The following NKAIN2 variants were observed in gnomAD, a reference collection of about 807,000 sequenced individuals.
The protein encoded by NKAIN2 is sodium/potassium transporting ATPase interacting 2, also known as sodium/potassium-transporting ATPase subunit beta-1-interacting protein 2.
A neutral mutation model predicts 32.6 loss-of-function variants in NKAIN2; 14 were observed. The observed-to-expected ratio is 0.43, with a 90% CI of 0.28 to 0.67. The LOEUF (loss-of-function observed/expected upper bound fraction) is 0.67. Among genes scored for constraint, NKAIN2 ranks in the 30% least tolerant of loss-of-function variants. The probability of loss-of-function intolerance (pLI) is 0.17; values close to 1 mark genes in which losing one functional copy is unlikely to be tolerated. For missense variants in NKAIN2, 198 were observed against 258.3 expected, an observed-to-expected ratio of 0.77 and a Z score of 1.60; for synonymous variants, 80 against 87.2, an observed-to-expected ratio of 0.92 and a Z score of 0.46.
At chr6:124,575,509 T>G (rs1781297332) in intron 3 of NKAIN2, among the ~76,000 whole-genome samples, 1 of 152,230 alleles carries the variant, frequency 6.6e-6, no homozygotes, top group Non-Finnish European at 1.5e-5. Context: ...GCTTCTTTAC[T>G]TTCCATTTTC....
chr6:123,821,515 C>A (rs1256331525), intron 1 of NKAIN2, among the ~76,000 whole-genome samples: 1 of 152,294 alleles, frequency 6.6e-6, no homozygotes, highest in East Asian at 1.9e-4. Flanking sequence ...CAAAGCCGTG[C>A]AGCTGCAGAG....
At chr6:124,067,786 T>C (rs1783263073) in intron 1 of NKAIN2, among the ~76,000 whole-genome samples, 1 of 152,190 alleles carries the variant, frequency 6.6e-6, no homozygotes, top group South Asian at 2.1e-4. Context: ...AATCCAAGAA[T>C]GATGACTTCA....
intron 2 of NKAIN2, among the ~76,000 whole-genome samples, chr6:124,353,207 G>A (rs946381464): frequency 3.9e-5 from 6 of 152,084 alleles, no homozygotes; most frequent in Non-Finnish European, 7.4e-5. Context: ...AGGAACCTAG[G>A]AATATAAACA....
intron 1 of NKAIN2, among the ~76,000 whole-genome samples, chr6:123,983,480 C>T (rs1235486327): frequency 6.6e-6 from 1 of 152,164 alleles, no homozygotes; most frequent in African/African-American, 2.4e-5. Flanking sequence ...AGGGAGAGAG[C>T]TAGAAAGAGA....
intron 1 of NKAIN2, among the ~76,000 whole-genome samples, chr6:124,255,991 T>C (rs539799739): frequency 2.0e-5 from 3 of 152,312 alleles, no homozygotes; most frequent in South Asian, 4.1e-4. Flanking sequence ...GAAGCTCCTC[T>C]CCACTGAACA....
At chr6:124,797,213 T>G (rs1488868282) in intron 5 of NKAIN2, among the ~76,000 whole-genome samples, 3 of 151,850 alleles carry the variant, frequency 2.0e-5, no homozygotes, top group Admixed American at 2.0e-4. Context: ...TTCTCAATTT[T>G]TATTACTTCT....
intron 4 of NKAIN2, among the ~76,000 whole-genome samples, chr6:124,696,000 G>A (rs1774478563): frequency 6.6e-6 from 1 of 152,196 alleles, no homozygotes; most frequent in Admixed American, 6.5e-5. Flanking sequence ...TTGTAGACAT[G>A]TGATTGGACA....
chr6:124,447,637 A>G (rs1775949902), intron 3 of NKAIN2, among the ~76,000 whole-genome samples: 1 of 152,164 alleles, frequency 6.6e-6, no homozygotes, highest in Non-Finnish European at 1.5e-5. Flanking sequence ...AGATGATACA[A>G]GAACAGGTCA....
At chr6:123,859,029 T>C (rs1003306376) in intron 1 of NKAIN2, among the ~76,000 whole-genome samples, 49 of 152,218 alleles carry the variant, frequency 3.2e-4, no homozygotes, top group African/African-American at 1.1e-3. Context: ...AACATATATA[T>C]GTACATAAAT....
chr6:123,847,360 A>G (rs1775136892), intron 1 of NKAIN2, among the ~76,000 whole-genome samples: 1 of 152,180 alleles, frequency 6.6e-6, no homozygotes, highest in African/African-American at 2.4e-5. Context: ...AGTAACATAT[A>G]CAAATAATTG....
intron 1 of NKAIN2, among the ~76,000 whole-genome samples, chr6:123,945,826 T>C (rs926422496): frequency 6.6e-6 from 1 of 152,166 alleles, no homozygotes; most frequent in Non-Finnish European, 1.5e-5. Context: ...GAGATTAAAC[T>C]ATATTTAGAA....
At chr6:123,917,587 A>G (rs906925822) in intron 1 of NKAIN2, among the ~76,000 whole-genome samples, 1 of 152,302 alleles carries the variant, frequency 6.6e-6, no homozygotes, top group African/African-American at 2.4e-5. Context: ...TCAGTTTGGC[A>G]CATTGCCCTT....
intron 3 of NKAIN2, among the ~76,000 whole-genome samples, chr6:124,439,321 T>A (rs1048592808): frequency 6.6e-6 from 1 of 151,774 alleles, no homozygotes; most frequent in East Asian, 1.9e-4. Context: ...TTTCACCTGC[T>A]AAATATCTCT....
chr6:124,511,709 T>TCA (rs1778721478), intron 3 of NKAIN2, among the ~76,000 whole-genome samples: 1 of 152,194 alleles, frequency 6.6e-6, no homozygotes, highest in Admixed American at 6.5e-5. Context: ...CTTTGTGGAT[T>TCA]TCAGGCATTC....
At chr6:124,680,334 T>G (rs1223035608) in intron 4 of NKAIN2, among the ~76,000 whole-genome samples, 1 of 152,174 alleles carries the variant, frequency 6.6e-6, no homozygotes, top group Non-Finnish European at 1.5e-5. Context: ...ACAGAATCAG[T>G]ATATATCTAT....
chr6:123,825,878 TTA>T (rs1390378981), intron 1 of NKAIN2, among the ~76,000 whole-genome samples: 1 of 152,180 alleles, frequency 6.6e-6, no homozygotes, highest in African/African-American at 2.4e-5. Context: ...ATAAGTATCA[TTA>T]AAATGGTAAC....
At chr6:124,517,219 A>G (rs1041101621) in intron 3 of NKAIN2, among the ~76,000 whole-genome samples, 3 of 152,198 alleles carry the variant, frequency 2.0e-5, no homozygotes, top group Admixed American at 1.3e-4. Context: ...TCACATCCGA[A>G]ATAAATCTTG....
intron 1 of NKAIN2, among the ~76,000 whole-genome samples, chr6:123,943,208 A>G (rs1487176418): frequency 6.6e-6 from 1 of 152,050 alleles, no homozygotes; most frequent in Non-Finnish European, 1.5e-5. Context: ...TCTGAGCTAT[A>G]ATTGGTAAGT....
intron 1 of NKAIN2, among the ~76,000 whole-genome samples, chr6:124,126,792 A>G (rs578002789): frequency 6.6e-6 from 1 of 152,180 alleles, no homozygotes; most frequent in East Asian, 1.9e-4. Flanking sequence ...CTGTCTCTAC[A>G]AAAAATACAA....
Sources: allele counts gnomAD v4.1 joint callset (sites outside exome capture counted in the v4.1 genomes callset), GRCh38; gene constraint gnomAD v4.1.1; transcripts MANE v1.5; gene names NCBI Gene and HGNC (gene_info 2026-07-23, HGNC 2026-07-21).